GZMK: variants seen among roughly 807,000 people sequenced by gnomAD.
GZMK encodes NK-Tryp-2.
Under a neutral mutation model 22.8 loss-of-function variants are expected in GZMK, and 18 were observed. The ratio of observed to expected loss-of-function variants is 0.79; its 90% confidence interval spans 0.54 to 1.17. The LOEUF is 1.17. Among genes scored for constraint, GZMK ranks in the 50% most tolerant of loss-of-function variants. GZMK has a pLI of 0.00. For synonymous variants in GZMK, 136 were observed against 115.0 expected (o/e 1.18, Z -1.17); for missense variants, 342 against 320.2 (o/e 1.07, Z -0.52).
Position 55,033,837 on chromosome 5 carries a change from G to C in GZMK, c.706G>C (p.Val236Leu). 1 of 1,613,536 alleles carries C rather than the reference G, an allele frequency of 6.2e-7. No homozygotes were observed. Among genetic ancestry groups the C allele is most frequent in the East Asian group, 2.2e-5 (1 of 44,874 alleles). ...AGTCTCTGGAGGTCATGAATGTGGT[G>C]TTGCCACAAAGCCTGGAATCTACAC... ...AIVSGGHECG[V>L]ATKPGIYTLL... is the part of the protein sequence containing the mutation. Residue 236 changes from valine (V) to leucine (L), a missense_variant, in exon 5 of 5, where the codon GTT becomes CTT. By Grantham distance (32) the Val-to-Leu change is conservative. Transcript: ENST00000231009.
At chr5:55,026,731 C>T (rs1741147935) in intron 2 of GZMK, 2 of 152,200 alleles carry the variant, frequency 1.3e-5, no homozygotes, top group Admixed American at 1.3e-4. Flanking sequence ...CACATCTCCT[C>T]CCTCAATATT....
At chr5:55,033,046 A>G (rs1346180215) in intron 4 of GZMK, among the ~76,000 whole-genome samples, 9 of 152,306 alleles carry the variant, frequency 5.9e-5, no homozygotes, top group African/African-American at 2.2e-4. Flanking sequence ...TAGCAAAGAG[A>G]AAGGCTGGTC....
At chr5:55,026,015 C>T (rs1324133516) in intron 2 of GZMK, among the ~76,000 whole-genome samples, 2 of 152,234 alleles carry the variant, frequency 1.3e-5, no homozygotes, top group Admixed American at 6.5e-5. Flanking sequence ...AGGGCATTTG[C>T]CCCCTCGAGA....
At chr5:55,024,963 G>A (rs550378626) in intron 2 of GZMK, 156 bp downstream of exon 2, 9 of 500,708 alleles carry the variant, frequency 1.8e-5, no homozygotes, top group Admixed American at 3.6e-5. Flanking sequence ...CCACATCCAC[G>A]CTTTCTGTCT....
chr5:55,033,747 C>T lies in GZMK; in HGVS notation c.634-18C>T. ...CAACAGCTTCTTACCACGTATTTGC[C>T]CTTTTTCTTCCTTCCAGGGTGACTC... On this transcript the variant is annotated intron_variant, in intron 4 of 4. Coordinates refer to ENST00000231009, the MANE Select transcript of GZMK (RefSeq NM_002104.3). 1 of 1,571,632 alleles carries T rather than the reference C, an allele frequency of 6.4e-7. No individual in the cohort carries two copies.
intron 4 of GZMK, chr5:55,032,448 A>C (rs1741249149): frequency 6.6e-6 from 1 of 152,406 alleles, no homozygotes; most frequent in African/African-American, 2.4e-5. Flanking sequence ...AAAGGAACAA[A>C]AGGCCGGGCA....
chr5:55,025,144 G>T (rs1741124906), intron 2 of GZMK: 1 of 174,780 alleles, frequency 5.7e-6, no homozygotes, highest in African/African-American at 2.4e-5. Flanking sequence ...ACCTGAGCTT[G>T]CTCTGTGCTC....
chr5:55,034,170 C>T lies in GZMK; in HGVS notation c.*244C>T. ...TTATCACATGAAGTAATATCTGCCC[C>T]CATTGCACCCACACTCGCCAAAGGG... On this transcript the variant is annotated 3_prime_UTR_variant, in exon 5 of 5. Coordinates refer to ENST00000231009, the MANE Select transcript of GZMK (RefSeq NM_002104.3). The T allele has an allele frequency of 4.6e-6, 2 of 430,348 alleles. No homozygotes were observed. The highest frequency in any genetic ancestry group is 8.2e-6 in the Non-Finnish European group (2 of 243,544). The allele number at this position is 430,348 out of a possible 1,614,324, so 26.7% of individuals were successfully genotyped here.
At position 55,030,556 on chromosome 5, in the gene GZMK, C is replaced by T. The variant is rs1741214404; in HGVS notation, c.335C>T (p.Pro112Leu). 1.2e-6 allele frequency: 2 copies of T among 1,612,434 alleles called. No individual in the cohort carries two copies. Among genetic ancestry groups the T allele is most frequent in the East Asian group, 4.5e-5 (2 of 44,866 alleles). ...CCATTCTCAAGAGTTACATCAGATC[C>T]TCAATCAAATGATATCATGCTGGTT... ...FIPFSRVTSDPQSNDIMLVKL... is the reference protein window; with the variant it reads ...FIPFSRVTSDLQSNDIMLVKL... The change falls in exon 3 of 5, where the codon CCT becomes CTT. Residue 112 changes from proline (P) to leucine (L), a missense_variant. By Grantham distance (98) the Pro-to-Leu change is moderately conservative (BLOSUM62 -3). Transcript: ENST00000231009.
intron 2 of GZMK, chr5:55,025,023 T>C: frequency 2.5e-6 from 1 of 400,848 alleles, no homozygotes; most frequent in East Asian, 3.7e-5. Flanking sequence ...AGGCAAGACA[T>C]TAGACAAATT....
intron 2 of GZMK, among the ~76,000 whole-genome samples, chr5:55,026,490 T>C (rs887654220): frequency 3.9e-5 from 6 of 152,094 alleles, no homozygotes; most frequent in Admixed American, 6.6e-5. Flanking sequence ...CTGCAAAATA[T>C]GTAGATCAAA....
At chr5:55,029,726 T>TA (rs1443605345) in intron 2 of GZMK, among the ~76,000 whole-genome samples, 2 of 152,148 alleles carry the variant, frequency 1.3e-5, no homozygotes, top group Non-Finnish European at 2.9e-5. Flanking sequence ...GTGTGCCCCT[T>TA]AATGTTTTTT....
chr5:55,026,616 T>G (rs1454199823), intron 2 of GZMK, among the ~76,000 whole-genome samples: 3 of 152,146 alleles, frequency 2.0e-5, no homozygotes, highest in Admixed American at 1.3e-4. Flanking sequence ...TTCCCACAAA[T>G]GTACTCCCCA....
chr5:55,032,333 C>G (rs1388169469), intron 4 of GZMK: 1 of 152,206 alleles, frequency 6.6e-6, no homozygotes, highest in Admixed American at 6.5e-5. Context: ...ATGACCTAAT[C>G]ACTTCCCAAA....
rs1308173924 is a variant in GZMK, at chr5:55,034,463, C to T, written c.*537C>T. 2.6e-5 allele frequency: 4 copies of T among 152,196 alleles called. No individual in the cohort carries two copies. Among genetic ancestry groups the T allele is most frequent in the African/African-American group, 9.7e-5 (4 of 41,440 alleles). The allele number at this position is 152,196 out of a possible 1,614,324, so 9.4% of individuals were successfully genotyped here. The stretch of plus-strand genomic sequence containing the variant: ...TAGCAGCTCTCTATTTCCCCACCAC[C>T]CCCATCCTCTGGCAACCCCATTCTA... On this transcript the variant is annotated 3_prime_UTR_variant, in exon 5 of 5. Transcript: ENST00000231009.
rs770372154 is a variant in GZMK at position 55,033,978 on chromosome 5, G to A, written c.*52G>A. On this transcript the variant is annotated 3_prime_UTR_variant, in exon 5 of 5. Transcript: ENST00000231009. Reference sequence around the variant, plus strand: ...TTGCTTCTTTTTTCCTAATATGCTCGCAGGTTAGAGTTGGGTGTAAGTAAA... The same window carrying A: ...TTGCTTCTTTTTTCCTAATATGCTCACAGGTTAGAGTTGGGTGTAAGTAAA... 17 of 1,473,682 alleles carry A rather than the reference G, an allele frequency of 1.2e-5. No homozygotes were observed. The highest frequency in any genetic ancestry group is 6.3e-5 in the South Asian group (5 of 79,956). The allele number at this position is 1,473,682 out of a possible 1,614,324, so 91.3% of individuals were successfully genotyped here. A position where few individuals can be genotyped will look rare whatever the true frequency, so the allele number is the denominator to read the frequency against.
chr5:55,033,743 T>A (rs762673292), intron 4 of GZMK, 22 bp from the exon 5 acceptor site: 1 of 1,572,088 alleles, frequency 6.4e-7, no homozygotes, highest in Non-Finnish European at 8.6e-7. Flanking sequence ...TACCACGTAT[T>A]TGCCCTTTTT....
At chr5:55,029,413 G>A (rs933319858) in intron 2 of GZMK, among the ~76,000 whole-genome samples, 6 of 152,174 alleles carry the variant, frequency 3.9e-5, no homozygotes, top group Non-Finnish European at 8.8e-5. Flanking sequence ...CCAAATCTTT[G>A]TTCTAATTGA....
rs987783257 is a variant in GZMK at position 55,031,324 on chromosome 5, A to C, written c.364-40A>C. ...ACGCACAGGCTAGCATCAGAATACT[A>C]CTGGGAAAGAAATAATTCCATCTTT... On this transcript the variant is annotated intron_variant, in intron 3 of 4. Coordinates refer to ENST00000231009, the MANE Select transcript of GZMK (RefSeq NM_002104.3). 38 of 1,573,488 alleles carry C rather than the reference A, an allele frequency of 2.4e-5. No individual in the cohort carries two copies. The Admixed American group carries it at 5.2e-4, about 22-fold the overall frequency.
Sources: allele counts gnomAD v4.1 joint callset (sites outside exome capture counted in the v4.1 genomes callset), GRCh38; gene constraint gnomAD v4.1.1; transcripts MANE v1.5; gene names NCBI Gene and HGNC (gene_info 2026-07-23, HGNC 2026-07-21).